The following CNNM2 variants were observed in gnomAD, a reference collection of about 807,000 sequenced individuals.
CNNM2 encodes cyclin and CBS domain divalent metal cation transport mediator 2.
Under a neutral mutation model 66.9 loss-of-function variants are expected in CNNM2, and 12 were observed. The ratio of observed to expected loss-of-function variants is 0.18; its 90% CI spans 0.11 to 0.29. CNNM2 has a LOEUF of 0.29. Among genes scored for constraint, CNNM2 ranks in the 10% least tolerant of loss-of-function variants. The pLI, the probability that CNNM2 is intolerant of heterozygous loss-of-function variation, is 1.00. For synonymous variants in CNNM2, 557 were observed against 501.8 expected, an observed-to-expected ratio of 1.11 and a Z score of -1.47; for missense variants, 705 against 1,167.7, an observed-to-expected ratio of 0.60 and a Z score of 5.77.
chr10:103,002,333 G>A (rs967654382), intron 1 of CNNM2, among the ~76,000 whole-genome samples: 2 of 152,074 alleles, frequency 1.3e-5, no homozygotes, highest in Non-Finnish European at 2.9e-5. Flanking sequence ...TCTCTAACAA[G>A]GATGTACAAA....
At chr10:102,966,613 C>T (rs985179345) in intron 1 of CNNM2, among the ~76,000 whole-genome samples, 9 of 152,196 alleles carry the variant, frequency 5.9e-5, no homozygotes, top group Non-Finnish European at 1.2e-4. Context: ...GGCAACAGAG[C>T]GTGGACTCCA....
chr10:103,057,146 AAT>A (rs1338695440), intron 4 of CNNM2, among the ~76,000 whole-genome samples, 182 bp downstream of exon 4: 1 of 152,184 alleles, frequency 6.6e-6, no homozygotes, highest in African/African-American at 2.4e-5. Flanking sequence ...AAGCAATGCC[AAT>A]AGTTACTTTA....
chr10:103,070,489 A>G (rs2065560160), intron 5 of CNNM2, among the ~76,000 whole-genome samples: 1 of 152,248 alleles, frequency 6.6e-6, no homozygotes, highest in Non-Finnish European at 1.5e-5. Context: ...GAGTTTTGGC[A>G]GCTGACCTCA....
At chr10:103,038,570 T>G (rs2064983768) in intron 1 of CNNM2, among the ~76,000 whole-genome samples, 1 of 152,212 alleles carries the variant, frequency 6.6e-6, no homozygotes. Context: ...GAGAGGGCCC[T>G]GTATCAAATA....
rs1238618485 is a variant in CNNM2, at chr10:102,984,250, C to T, written c.1621+64149C>T. Reference sequence around the variant, plus strand: ...GCTATTTGGGAATGTTCTTTATTGTCCCCTGATGGATGTGTGGAATTGTTT... The same window carrying T: ...GCTATTTGGGAATGTTCTTTATTGTTCCCTGATGGATGTGTGGAATTGTTT... On this transcript the variant is annotated intron_variant, in intron 1 of 7. Coordinates refer to ENST00000369878, the MANE Select transcript of CNNM2 (RefSeq NM_017649.5). 2.0e-5 allele frequency among the ~76,000 whole-genome samples: 3 copies of T among 152,114 alleles called. No individual in the cohort carries two copies. The East Asian group carries it at 5.8e-4, about 29-fold the overall frequency.
chr10:102,930,137 CTT>C (rs1310505161), intron 1 of CNNM2, among the ~76,000 whole-genome samples: 1 of 152,128 alleles, frequency 6.6e-6, no homozygotes, highest in Non-Finnish European at 1.5e-5. Flanking sequence ...ATATCTAACA[CTT>C]CAAGGCAAGG....
rs184003881 is a variant in CNNM2, at chr10:102,978,246, C to T, written c.1621+58145C>T. ...TTTTAAGCTCCACTTAGAGCCATCT[C>T]AAACATACGATTTTCAAAACTGGAC... On this transcript the variant is annotated intron_variant, in intron 1 of 7. Transcript: ENST00000369878. Among the ~76,000 whole-genome samples, 163 of 151,032 alleles carry T rather than the reference C, an allele frequency of 1.1e-3. 1 individual carries two copies. Among genetic ancestry groups the T allele is most frequent in the African/African-American group, 3.7e-3 (154 of 41,128 alleles).
chr10:103,025,278 G>A (rs1161144907), intron 1 of CNNM2, among the ~76,000 whole-genome samples: 1 of 151,758 alleles, frequency 6.6e-6, no homozygotes, highest in South Asian at 2.1e-4. Context: ...TTTAGTAGAG[G>A]TGGGGTTTCA....
At chr10:103,037,911 C>T (rs2064970806) in intron 1 of CNNM2, among the ~76,000 whole-genome samples, 1 of 152,052 alleles carries the variant, frequency 6.6e-6, no homozygotes, top group Admixed American at 6.6e-5. Context: ...GCAATCTTGG[C>T]TCACTGCAAC....
chr10:102,955,856 A>G lies in CNNM2; in HGVS notation c.1621+35755A>G, dbSNP rs1847014326. Among the ~76,000 whole-genome samples the G allele has an allele frequency of 2.6e-5, 4 of 152,376 alleles. 1 individual carries two copies. Among genetic ancestry groups the G allele is most frequent in the Middle Eastern group, 6.8e-3 (2 of 294 alleles). ...TCTCAAACCAGTTAGAATGGTGATC[A>G]TTAAAAAGTCAGGAAACAGGCCAGG... On this transcript the variant is annotated intron_variant, in intron 1 of 7. Transcript: ENST00000369878.
intron 1 of CNNM2, among the ~76,000 whole-genome samples, chr10:102,955,160 G>A (rs1339759936): frequency 3.9e-5 from 6 of 152,160 alleles, no homozygotes; most frequent in Non-Finnish European, 8.8e-5. Flanking sequence ...AAACAGCATG[G>A]TACTGGTGCC....
At chr10:102,931,879 A>G (rs1846077307) in intron 1 of CNNM2, among the ~76,000 whole-genome samples, 2 of 150,306 alleles carry the variant, frequency 1.3e-5, no homozygotes, top group South Asian at 2.1e-4. Context: ...ATGCCATCCT[A>G]GTGAGAAGTG....
chr10:103,053,068 T>C (rs2065242272), intron 2 of CNNM2, among the ~76,000 whole-genome samples: 2 of 152,216 alleles, frequency 1.3e-5, no homozygotes, highest in African/African-American at 4.8e-5. Flanking sequence ...AAGCTCGTTT[T>C]TTCTTGATCA....
intron 1 of CNNM2, among the ~76,000 whole-genome samples, chr10:103,023,612 A>G (rs2064637910): frequency 6.6e-6 from 1 of 152,148 alleles, no homozygotes; most frequent in Non-Finnish European, 1.5e-5. Flanking sequence ...TAAGCCATTC[A>G]TGAGGAGTCC....
At chr10:103,027,857 A>G (rs2064736946) in intron 1 of CNNM2, among the ~76,000 whole-genome samples, 1 of 152,110 alleles carries the variant, frequency 6.6e-6, no homozygotes, top group Non-Finnish European at 1.5e-5. Context: ...TTGATTTTTC[A>G]ATTTTTATAG....
Position 102,919,899 on chromosome 10 carries a change from C to A in CNNM2, c.1419C>A (p.Ile473=), listed in dbSNP as rs1279440314. The A allele has an allele frequency of 1.2e-6, 2 of 1,614,232 alleles. No homozygotes were observed. Among genetic ancestry groups the A allele is most frequent in the Non-Finnish European group, 1.7e-6 (2 of 1,180,040 alleles). The change falls in exon 1 of 8, where the codon ATC becomes ATA. Residue 473 remains isoleucine (I), a synonymous_variant. Transcript: ENST00000369878. ...AILDFNTMSE[I]MESGYTRIPV... ...TGGACTTCAACACCATGTCTGAGAT[C>A]ATGGAGAGCGGCTACACCCGCATTC...
At position 103,077,335 on chromosome 10, in the gene CNNM2, A is replaced by AG. The variant is rs1266800633; in HGVS notation, c.*157dup. ...CTTGTGCCCTTCCCAGGAGCCGCGG[A>AG]GGAGGACAGTGAGGGAGGAATGGAA... On this transcript the variant is annotated 3_prime_UTR_variant, in exon 8 of 8. Transcript: ENST00000369878. 1 of 648,258 alleles carries AG rather than the reference A, an allele frequency of 1.5e-6. No individual in the cohort carries two copies. Among genetic ancestry groups the AG allele is most frequent in the African/African-American group, 1.8e-5 (1 of 55,036 alleles). 40.2% of individuals were successfully genotyped at this position (648,258 alleles called of 1,614,324 possible).
chr10:102,930,095 G>A (rs1180561301), intron 1 of CNNM2, among the ~76,000 whole-genome samples: 1 of 152,126 alleles, frequency 6.6e-6, no homozygotes. Context: ...GTGTTGCAGC[G>A]TTATCTAGAA....
intron 7 of CNNM2, 42 bp downstream of exon 7, chr10:103,076,312 T>C: frequency 6.5e-7 from 1 of 1,538,830 alleles, no homozygotes; most frequent in South Asian, 1.2e-5. Context: ...TGGCAGTTAG[T>C]TGTCAACTTC....
Sources: allele counts gnomAD v4.1 joint callset (sites outside exome capture counted in the v4.1 genomes callset), GRCh38; gene constraint gnomAD v4.1.1; transcripts MANE v1.5; gene names NCBI Gene and HGNC (gene_info 2026-07-23, HGNC 2026-07-21).